The following ARFGEF2 variants were observed in gnomAD, a reference collection of about 807,000 sequenced individuals.
The protein encoded by ARFGEF2 is ARF guanine nucleotide exchange factor 2, also known as brefeldin A-inhibited guanine nucleotide-exchange protein 2.
ARFGEF2 carries 74 observed loss-of-function variants against 219.9 expected under a neutral mutation model. The observed-to-expected ratio is 0.34, with a 90% CI of 0.28 to 0.41. ARFGEF2 has a LOEUF of 0.41. Among genes scored for constraint, ARFGEF2 ranks in the 10% least tolerant of loss-of-function variants. ARFGEF2 has a pLI of 1.00. For synonymous variants in ARFGEF2, 733 were observed against 799.2 expected (o/e 0.92, Z 1.40); for missense variants, 1,743 against 2,218.3 (o/e 0.79, Z 4.30).
At chr20:48,942,085 C>A in intron 3 of ARFGEF2, 98 bp downstream of exon 3, 1 of 1,476,452 alleles carries the variant, frequency 6.8e-7, no homozygotes, top group Admixed American at 1.8e-5. Flanking sequence ...GCACTCAGTG[C>A]TGTCAGAGGC....
chr20:48,952,338 T>C (rs2091076362), intron 4 of ARFGEF2, among the ~76,000 whole-genome samples: 2 of 151,944 alleles, frequency 1.3e-5, no homozygotes, highest in African/African-American at 4.8e-5. Context: ...ATATTTTTAA[T>C]AGAGATGGGG....
In ARFGEF2 at chr20:48,938,819, A is replaced by C. The variant is rs192736181; in HGVS notation, c.122-2380A>C. ...AGATTCCAGTCAGCTGGAGCTGAGG[A>C]GCTGCCGCACCCCTTCCTGTACTGG... On this transcript the variant is annotated intron_variant, in intron 1 of 38. Coordinates refer to ENST00000371917, the MANE Select transcript of ARFGEF2 (RefSeq NM_006420.3). 2.6e-3 allele frequency among the ~76,000 whole-genome samples: 399 copies of C among 152,296 alleles called. 2 individuals are homozygous for C. The highest frequency in any genetic ancestry group is 5.0e-3 in the Non-Finnish European group (340 of 68,014).
chr20:49,023,197 C>G lies in ARFGEF2; in HGVS notation c.4755+16C>G. 6.2e-7 allele frequency: 1 copy of G among 1,613,928 alleles called. No homozygotes were observed. The highest frequency in any genetic ancestry group is 8.5e-7 in the Non-Finnish European group (1 of 1,179,908). On this transcript the variant is annotated intron_variant, in intron 35 of 38. Transcript: ENST00000371917. ...TGCCGCCCAGGTAAGAACAGGAGGC[C>G]TCAGGAAGAGCATCCCTGTCCATAG... is the stretch of plus-strand genomic sequence containing the variant.
rs376090820 is a variant in ARFGEF2, at chr20:48,988,449, T to C, written c.2362-42T>C. 1,690 of 1,610,472 alleles carry C rather than the reference T, an allele frequency of 1.0e-3. 3 individuals carry two copies. The highest frequency in any genetic ancestry group is 1.3e-3 in the Non-Finnish European group (1,509 of 1,177,170). Reference sequence around the variant, plus strand: ...TAAATAAGTGGCTTTACTTGGGCAATTGGATGTTTTTTAAATGGTTTTTAA... The same window carrying C: ...TAAATAAGTGGCTTTACTTGGGCAACTGGATGTTTTTTAAATGGTTTTTAA... On this transcript the variant is annotated intron_variant, in intron 17 of 38. Transcript: ENST00000371917.
At chr20:48,942,473 GTTTTTTTTTTTT>G (rs58144046) in intron 3 of ARFGEF2, among the ~76,000 whole-genome samples, 5 of 73,512 alleles carry the variant, frequency 6.8e-5, no homozygotes, top group South Asian at 6.5e-4. Context: ...TTCTTACTTG[GTTTTTTTTTTTT>G]TTTTTTTTTT....
intron 36 of ARFGEF2, among the ~76,000 whole-genome samples, chr20:49,027,825 G>A (rs1489393422): frequency 6.6e-6 from 1 of 152,148 alleles, no homozygotes; most frequent in Non-Finnish European, 1.5e-5. Flanking sequence ...TCTGTATTAA[G>A]AATATATATA....
At position 48,953,610 on chromosome 20, in the gene ARFGEF2, G is replaced by A; in HGVS notation, c.658G>A (p.Val220Met). The A allele has an allele frequency of 6.2e-7, 1 of 1,614,158 alleles. No homozygotes were observed. Among genetic ancestry groups the A allele is most frequent in the Non-Finnish European group, 8.5e-7 (1 of 1,180,036 alleles). Residue 220 changes from valine to methionine, a missense_variant, in exon 6 of 39, where the codon GTG becomes ATG. By Grantham distance (21) the Val-to-Met change is conservative. This residue lies in a region of ARFGEF2 where 394 missense variants were observed against 426.6 expected (regional missense o/e 0.92). Coordinates refer to ENST00000371917, the MANE Select transcript of ARFGEF2 (RefSeq NM_006420.3). ...AATCCAGTCAAAACCCCAGTCCCCTGTGATCCAAGCTGCAGCAGTATCCCC... is the reference window on the plus strand; with the variant it reads ...AATCCAGTCAAAACCCCAGTCCCCTATGATCCAAGCTGCAGCAGTATCCCC... ...KPIQSKPQSP[V>M]IQAAAVSPKF...
At chr20:48,993,343 G>A (rs1251660121) in intron 21 of ARFGEF2, among the ~76,000 whole-genome samples, 1 of 152,198 alleles carries the variant, frequency 6.6e-6, no homozygotes, top group Non-Finnish European at 1.5e-5. Flanking sequence ...TGAGATTCCA[G>A]CTGTCCCCAG....
chr20:48,924,821 G>A (rs2090866638), intron 1 of ARFGEF2, among the ~76,000 whole-genome samples: 1 of 152,172 alleles, frequency 6.6e-6, no homozygotes, highest in South Asian at 2.1e-4. Flanking sequence ...CCTTCCACTT[G>A]CTACGTTTGT....
Position 48,935,842 on chromosome 20 carries a change from C to T in ARFGEF2, c.122-5357C>T, listed in dbSNP as rs1424215983. Among the ~76,000 whole-genome samples, 6 of 114,388 alleles carry T rather than the reference C, an allele frequency of 5.2e-5. 1 individual carries two copies. Among genetic ancestry groups the T allele is most frequent in the South Asian group, 3.0e-4 (1 of 3,296 alleles). 75.0% of individuals were successfully genotyped at this position (114,388 alleles called of 152,430 possible). A position where few individuals can be genotyped will look rare whatever the true frequency, so the allele number is the denominator to read the frequency against. On this transcript the variant is annotated intron_variant, in intron 1 of 38. Transcript: ENST00000371917. ...GGGGCTGACCCCCCAACCTCCCTCC[C>T]GGACGGGGCGGCTGGCCGGGCAGAG...
chr20:48,944,996 C>T (rs769288531), intron 3 of ARFGEF2, among the ~76,000 whole-genome samples: 2 of 152,182 alleles, frequency 1.3e-5, no homozygotes, highest in Non-Finnish European at 2.9e-5. Flanking sequence ...GATCAAGGTA[C>T]TGGCTGATTT....
intron 5 of ARFGEF2, among the ~76,000 whole-genome samples, chr20:48,953,334 C>G (rs1428827837): frequency 6.6e-6 from 1 of 151,876 alleles, no homozygotes; most frequent in Admixed American, 6.6e-5. Context: ...TGCCACCACA[C>G]CCAGCTAATT....
rs141973402 is a variant in ARFGEF2, at chr20:49,012,036, G to T, written c.3870G>T (p.Ala1290=). Residue 1290 remains alanine (A), a synonymous_variant, in exon 28 of 39, where the codon GCG becomes GCT. Transcript: ENST00000371917. Reference sequence around the variant, plus strand: ...CTTTCCCTGACACGAGCATGGAAGCGATTCGGCTCATCCGCTTCTGTGGCA... The same window carrying T: ...CTTTCCCTGACACGAGCATGGAAGCTATTCGGCTCATCCGCTTCTGTGGCA... ...NAAFPDTSME[A]IRLIRFCGKY... 1 of 1,614,106 alleles carries T rather than the reference G, an allele frequency of 6.2e-7. No homozygotes were observed. Among genetic ancestry groups the T allele is most frequent in the South Asian group, 1.1e-5 (1 of 91,090 alleles).
rs186938873 is a variant in ARFGEF2, at chr20:49,019,301, T to C, written c.4624+303T>C. ...ACATTGACATATACATTCACACACA[T>C]ACATATATAGTACATATGAATTTTC... On this transcript the variant is annotated intron_variant, in intron 34 of 38. Coordinates refer to ENST00000371917, the MANE Select transcript of ARFGEF2 (RefSeq NM_006420.3). 1.8e-4 allele frequency among the ~76,000 whole-genome samples: 27 copies of C among 152,342 alleles called. No homozygotes were observed. The East Asian group carries it at 4.2e-3, about 24-fold the overall frequency.
At chr20:49,022,521 G>T (rs2091572284) in intron 34 of ARFGEF2, among the ~76,000 whole-genome samples, 1 of 152,200 alleles carries the variant, frequency 6.6e-6, no homozygotes, top group East Asian at 1.9e-4. Flanking sequence ...ACAGTCCAGT[G>T]GTGGTCTTTA....
At chr20:49,029,692 A>G (rs576788710) in intron 37 of ARFGEF2, among the ~76,000 whole-genome samples, 2 of 151,852 alleles carry the variant, frequency 1.3e-5, no homozygotes, top group South Asian at 2.1e-4. Flanking sequence ...CCTGGGTTCA[A>G]CCAATTCTCC....
At chr20:48,959,536 TCCC>T (rs2091130780) in intron 6 of ARFGEF2, among the ~76,000 whole-genome samples, 10 of 47,404 alleles carry the variant, frequency 2.1e-4, no homozygotes, top group African/African-American at 3.1e-4. Context: ...TTTCCCTCCC[TCCC>T]TCTGTCCCTC....
chr20:48,941,260 T>C (rs758123963), intron 2 of ARFGEF2, 31 bp downstream of exon 2: 1 of 1,610,414 alleles, frequency 6.2e-7, no homozygotes, highest in Non-Finnish European at 8.5e-7. Context: ...CTTGCTGAGA[T>C]ACGGCATGAA....
At position 48,970,830 on chromosome 20, in the gene ARFGEF2, C is replaced by G. The variant is rs145200055; in HGVS notation, c.1191-290C>G. On this transcript the variant is annotated intron_variant, in intron 9 of 38. Coordinates refer to ENST00000371917, the MANE Select transcript of ARFGEF2 (RefSeq NM_006420.3). ...AGTGATGTAAAGTCATTGATTCTTGCAGTACAGTTGCAGAACTCGCTCTCC... is the reference window on the plus strand; with the variant it reads ...AGTGATGTAAAGTCATTGATTCTTGGAGTACAGTTGCAGAACTCGCTCTCC... 1.5e-3 allele frequency among the ~76,000 whole-genome samples: 226 copies of G among 152,228 alleles called. 1 individual carries two copies. The highest frequency in any genetic ancestry group is 4.8e-3 in the African/African-American group (198 of 41,544).
Sources: allele counts gnomAD v4.1 joint callset (sites outside exome capture counted in the v4.1 genomes callset), GRCh38; gene constraint gnomAD v4.1.1; regional missense constraint gnomAD v4.1.1; transcripts MANE v1.5; gene names NCBI Gene and HGNC (gene_info 2026-07-23, HGNC 2026-07-21).